The following LRRC4C variants were observed in gnomAD, a reference collection of about 807,000 sequenced individuals.
LRRC4C encodes the protein leucine rich repeat containing 4C, also known as leucine-rich repeat-containing protein 4C.
In LRRC4C, 5 loss-of-function variants were observed where a neutral mutation model predicts 33.6. The ratio of observed to expected loss-of-function variants is 0.15; its 90% CI spans 0.08 to 0.31. The LOEUF (loss-of-function observed/expected upper bound fraction) is 0.31, where lower values mean the gene tolerates loss of function less well. Ranked by LOEUF, LRRC4C falls within the 10% of genes least tolerant of loss-of-function variation. The pLI is 1.00. For missense variants in LRRC4C, 560 were observed against 796.7 expected, an observed-to-expected ratio of 0.70 and a Z score of 3.58; for synonymous variants, 329 against 302.0, an observed-to-expected ratio of 1.09 and a Z score of -0.93.
intron 1 of LRRC4C, among the ~76,000 whole-genome samples, chr11:41,101,395 A>T (rs899827800): frequency 1.3e-5 from 2 of 152,230 alleles, no homozygotes; most frequent in Admixed American, 6.5e-5. Flanking sequence ...GCGTATGAAA[A>T]AAAGCTCAGT....
chr11:40,844,445 A>T (rs188135134), intron 2 of LRRC4C, among the ~76,000 whole-genome samples: 17 of 152,296 alleles, frequency 1.1e-4, no homozygotes, highest in Admixed American at 1.1e-3. Flanking sequence ...AGAAAGAGAC[A>T]GAAAATGAAA....
At chr11:41,236,751 TG>T (rs1222076858) in intron 1 of LRRC4C, among the ~76,000 whole-genome samples, 1 of 152,172 alleles carries the variant, frequency 6.6e-6, no homozygotes, top group Non-Finnish European at 1.5e-5. Flanking sequence ...AATATTTCTG[TG>T]GAAAAGGCAA....
chr11:40,211,346 C>T (rs1863593108), intron 5 of LRRC4C, among the ~76,000 whole-genome samples: 1 of 151,982 alleles, frequency 6.6e-6, no homozygotes, highest in African/African-American at 2.4e-5. Context: ...TAGATATGTG[C>T]TTTTATGGGA....
rs116773524 is a variant in LRRC4C at position 40,215,447 on chromosome 11, G to T, written c.-96+26072C>A. 9.8e-3 allele frequency among the ~76,000 whole-genome samples: 1,486 copies of T among 152,238 alleles called. 34 individuals are homozygous for T. The highest frequency in any genetic ancestry group is 0.034 in the African/African-American group (1,427 of 41,544). Reference sequence around the variant, plus strand: ...TTACCATTTTCAAGTATATTTTTCAGACATCCAATAAATTGTAGAATGGCA... The same window carrying T: ...TTACCATTTTCAAGTATATTTTTCATACATCCAATAAATTGTAGAATGGCA... On this transcript the variant is annotated intron_variant, in intron 5 of 6. Coordinates refer to ENST00000528697, the MANE Select transcript of LRRC4C (RefSeq NM_001258419.2).
At chr11:40,267,209 A>T (rs1942338578) in intron 4 of LRRC4C, among the ~76,000 whole-genome samples, 1 of 152,116 alleles carries the variant, frequency 6.6e-6, no homozygotes, top group Non-Finnish European at 1.5e-5. Flanking sequence ...GGCATGCATG[A>T]TCTTGGCTCT....
intron 1 of LRRC4C, among the ~76,000 whole-genome samples, chr11:40,942,191 A>G (rs573758406): frequency 5.9e-5 from 9 of 152,274 alleles, no homozygotes; most frequent in South Asian, 4.1e-4. Context: ...GAGGAGTCCT[A>G]TGTTTTATAA....
chr11:40,854,724 T>G (rs968703036), intron 2 of LRRC4C, among the ~76,000 whole-genome samples: 6 of 150,976 alleles, frequency 4.0e-5, no homozygotes, highest in African/African-American at 1.5e-4. Flanking sequence ...TATATTAATA[T>G]ATATATTTTA....
intron 3 of LRRC4C, among the ~76,000 whole-genome samples, chr11:40,554,091 T>A (rs1385857178): frequency 6.6e-6 from 1 of 152,228 alleles, no homozygotes; most frequent in Non-Finnish European, 1.5e-5. Flanking sequence ...TTTAAGCCTT[T>A]AATCCATCCT....
chr11:41,333,025 A>T (rs746840973), intron 1 of LRRC4C, among the ~76,000 whole-genome samples: 1 of 152,192 alleles, frequency 6.6e-6, no homozygotes, highest in Admixed American at 6.5e-5. Context: ...AATTATGTTC[A>T]TTTAAAAAAA....
intron 2 of LRRC4C, among the ~76,000 whole-genome samples, chr11:40,773,405 T>C (rs1949844057): frequency 6.6e-6 from 1 of 152,112 alleles, no homozygotes; most frequent in Non-Finnish European, 1.5e-5. Flanking sequence ...GGGTAACAGA[T>C]ATTCCATATA....
intron 3 of LRRC4C, among the ~76,000 whole-genome samples, chr11:40,489,742 T>G (rs1319612910): frequency 6.6e-6 from 1 of 152,186 alleles, no homozygotes; most frequent in African/African-American, 2.4e-5. Flanking sequence ...TATGAGAGTC[T>G]AATAGGTCAG....
At chr11:40,237,254 A>T (rs532729345) in intron 5 of LRRC4C, among the ~76,000 whole-genome samples, 1 of 152,288 alleles carries the variant, frequency 6.6e-6, no homozygotes, top group Admixed American at 6.5e-5. Flanking sequence ...ACTTTTACCC[A>T]ATTCTCATCT....
At chr11:40,505,074 T>C (rs1226593508) in intron 3 of LRRC4C, among the ~76,000 whole-genome samples, 1 of 152,190 alleles carries the variant, frequency 6.6e-6, no homozygotes, top group African/African-American at 2.4e-5. Flanking sequence ...TCGTCCTCTA[T>C]TTTCTAACTG....
intron 2 of LRRC4C, among the ~76,000 whole-genome samples, chr11:40,747,289 T>C (rs779437261): frequency 6.6e-6 from 1 of 152,140 alleles, no homozygotes; most frequent in Non-Finnish European, 1.5e-5. Context: ...CAGAAAATCA[T>C]AGATACCACT....
At chr11:40,213,838 T>G (rs1590728074) in intron 5 of LRRC4C, among the ~76,000 whole-genome samples, 1 of 152,108 alleles carries the variant, frequency 6.6e-6, no homozygotes, top group African/African-American at 2.4e-5. Flanking sequence ...ATCTAATATG[T>G]GCCAAGTTTT....
intron 2 of LRRC4C, among the ~76,000 whole-genome samples, chr11:40,697,278 C>T (rs928190925): frequency 7.9e-5 from 12 of 151,924 alleles, no homozygotes; most frequent in Admixed American, 2.6e-4. Flanking sequence ...GCAGGTTCAC[C>T]GAAAGCCTCA....
intron 4 of LRRC4C, among the ~76,000 whole-genome samples, chr11:40,287,149 T>C (rs1943897527): frequency 1.3e-5 from 2 of 152,054 alleles, no homozygotes; most frequent in African/African-American, 4.8e-5. Flanking sequence ...TTGTACAAAA[T>C]GTCACAATTC....
intron 3 of LRRC4C, among the ~76,000 whole-genome samples, chr11:40,551,959 AAT>A (rs1957141895): frequency 6.6e-6 from 1 of 152,230 alleles, no homozygotes; most frequent in Non-Finnish European, 1.5e-5. Flanking sequence ...TATTCTCCAC[AAT>A]ATGAGTGATC....
At chr11:41,011,474 A>T (rs978397707) in intron 1 of LRRC4C, among the ~76,000 whole-genome samples, 18 of 152,134 alleles carry the variant, frequency 1.2e-4, no homozygotes, top group East Asian at 1.9e-4. Flanking sequence ...TGCAACTTTT[A>T]TTCTACTTTA....
Sources: allele counts gnomAD v4.1 joint callset (sites outside exome capture counted in the v4.1 genomes callset), GRCh38; gene constraint gnomAD v4.1.1; transcripts MANE v1.5; gene names NCBI Gene and HGNC (gene_info 2026-07-23, HGNC 2026-07-21).